The following STK24 variants were observed in gnomAD, a reference collection of about 807,000 sequenced individuals.
STK24 encodes serine/threonine kinase 24.
In STK24, 21 loss-of-function variants were observed where a neutral mutation model predicts 55.6. The ratio of observed to expected loss-of-function variants is 0.38; its 90% CI spans 0.27 to 0.54. The LOEUF (loss-of-function observed/expected upper bound fraction) is 0.54, where lower values mean the gene tolerates loss of function less well. Ranked by LOEUF, STK24 falls within the 20% of genes least tolerant of loss-of-function variation. The pLI is 0.79. For missense variants in STK24, 383 were observed against 538.4 expected, an observed-to-expected ratio of 0.71 and a Z score of 2.86; for synonymous variants, 200 against 215.2, an observed-to-expected ratio of 0.93 and a Z score of 0.62.
At chr13:98,560,193 C>T (rs376196631) in intron 1 of STK24, among the ~76,000 whole-genome samples, 24 of 152,336 alleles carry the variant, frequency 1.6e-4, no homozygotes, top group Non-Finnish European at 2.5e-4. Context: ...CTCCCCTCGA[C>T]GCTCCAGTCC....
intron 3 of STK24, among the ~76,000 whole-genome samples, chr13:98,482,009 G>A (rs1276759891): frequency 6.6e-6 from 1 of 151,622 alleles, no homozygotes; most frequent in Non-Finnish European, 1.5e-5. Context: ...AGAGGTAGCA[G>A]TGAGCTGAGA....
At chr13:98,562,449 A>T (rs1330088198) in intron 1 of STK24, among the ~76,000 whole-genome samples, 9 of 152,310 alleles carry the variant, frequency 5.9e-5, no homozygotes, top group Non-Finnish European at 2.9e-5. Context: ...TACTATCACA[A>T]GTCCTCCAGC....
chr13:98,528,439 C>G (rs1224938525), intron 1 of STK24, among the ~76,000 whole-genome samples: 1 of 152,196 alleles, frequency 6.6e-6, no homozygotes, highest in Non-Finnish European at 1.5e-5. Flanking sequence ...CTCCAGGGTT[C>G]CGGCTCCTTT....
intron 4 of STK24, 132 bp from the exon 5 acceptor site, chr13:98,475,110 AC>A (rs34623982): frequency 7.1e-7 from 1 of 1,411,398 alleles, no homozygotes; most frequent in South Asian, 1.4e-5. Context: ...TTTTTGTCAG[AC>A]CCCCTCAAAG....
Position 98,449,240 on chromosome 13 carries a change from C to T in STK24, c.*3933G>A, listed in dbSNP as rs1893062982. 1 of 152,254 alleles carries T rather than the reference C, an allele frequency of 6.6e-6. No homozygotes were observed. The highest frequency in any genetic ancestry group is 1.5e-5 in the Non-Finnish European group (1 of 68,064). The allele number at this position is 152,254 out of a possible 1,614,324, so 9.4% of individuals were successfully genotyped here. ...AATCATGGTACGTAGTCCCCGGCAC[C>T]TGTCGTTATTCCTATATCCTCCTGC... is the stretch of plus-strand genomic sequence containing the variant. On this transcript the variant is annotated 3_prime_UTR_variant, in exon 11 of 11. Coordinates refer to ENST00000539966, the MANE Select transcript of STK24 (RefSeq NM_001032296.4).
At chr13:98,494,889 T>G (rs773735920) in intron 2 of STK24, among the ~76,000 whole-genome samples, 34 of 152,196 alleles carry the variant, frequency 2.2e-4, no homozygotes, top group Non-Finnish European at 4.4e-4. Context: ...GAGAAGGGTC[T>G]GCGACCCATG....
chr13:98,573,057 T>C (rs558727095), intron 1 of STK24, among the ~76,000 whole-genome samples: 1 of 152,286 alleles, frequency 6.6e-6, no homozygotes, highest in Non-Finnish European at 1.5e-5. Flanking sequence ...CACTTCTGAT[T>C]TCGGATGTTC....
intron 5 of STK24, among the ~76,000 whole-genome samples, chr13:98,469,348 A>G (rs977723395): frequency 9.2e-5 from 14 of 152,304 alleles, no homozygotes; most frequent in Admixed American, 7.8e-4. Flanking sequence ...CAGGAGTTCG[A>G]GACCAGCCCG....
intron 1 of STK24, among the ~76,000 whole-genome samples, chr13:98,525,514 G>A (rs966835771): frequency 5.9e-5 from 9 of 152,216 alleles, no homozygotes; most frequent in Non-Finnish European, 2.9e-5. Flanking sequence ...GGGGATGGGA[G>A]CAGCCTGCAC....
intron 2 of STK24, among the ~76,000 whole-genome samples, chr13:98,487,510 G>C (rs143487848): frequency 2.0e-5 from 3 of 150,066 alleles, no homozygotes; most frequent in African/African-American, 7.3e-5. Context: ...CAAACCAACC[G>C]TCCCTGCCCC....
At chr13:98,571,777 C>T (rs964699755) in intron 1 of STK24, among the ~76,000 whole-genome samples, 3 of 152,134 alleles carry the variant, frequency 2.0e-5, no homozygotes, top group Admixed American at 1.3e-4. Context: ...AAAATGTTCA[C>T]TGAGAGTTCA....
Position 98,453,110 on chromosome 13 carries a change from T to C in STK24, c.*63A>G, listed in dbSNP as rs1289819106. On this transcript the variant is annotated 3_prime_UTR_variant, in exon 11 of 11. Transcript: ENST00000539966. ...GTCAGCGAAGGCTCTCGTTGACTTT[T>C]AAAAAAGGAGGAGGATGAAGAAGGA... The C allele has an allele frequency of 1.3e-6, 2 of 1,596,468 alleles. No individual in the cohort carries two copies. The highest frequency in any genetic ancestry group is 4.5e-5 in the East Asian group (2 of 44,782).
At chr13:98,469,541 C>CG (rs570400434) in intron 5 of STK24, among the ~76,000 whole-genome samples, 1,540 of 135,770 alleles carry the variant, frequency 0.011, 14 homozygotes, top group Middle Eastern at 0.026. Flanking sequence ...GCATCCCCCC[C>CG]CCCAAAAAAA....
At chr13:98,540,083 C>T (rs1041052871) in intron 1 of STK24, among the ~76,000 whole-genome samples, 4 of 152,188 alleles carry the variant, frequency 2.6e-5, no homozygotes, top group South Asian at 2.1e-4. Flanking sequence ...GCCCCAAGAA[C>T]GTCATGCTAA....
chr13:98,466,630 A>G, intron 5 of STK24, 69 bp from the exon 6 acceptor site: 2 of 1,507,240 alleles, frequency 1.3e-6, no homozygotes, highest in Non-Finnish European at 1.8e-6. Flanking sequence ...ATTTAGGGGG[A>G]AAATGGTAAC....
chr13:98,567,948 G>GA (rs1897630163), intron 1 of STK24, among the ~76,000 whole-genome samples: 2 of 149,800 alleles, frequency 1.3e-5, no homozygotes, highest in African/African-American at 4.9e-5. Flanking sequence ...AAAAAAGGGG[G>GA]GGGGTGGGGA....
At chr13:98,466,607 T>G in intron 5 of STK24, 46 bp from the exon 6 acceptor site, 1 of 1,594,538 alleles carries the variant, frequency 6.3e-7, no homozygotes. Flanking sequence ...AGGAATCTAT[T>G]CCAATACACA....
intron 1 of STK24, among the ~76,000 whole-genome samples, chr13:98,573,428 TTA>T (rs1267663976): frequency 2.0e-5 from 3 of 152,234 alleles, no homozygotes; most frequent in African/African-American, 4.8e-5. Context: ...CCTGATTTCT[TTA>T]TGTTTATTCG....
intron 1 of STK24, among the ~76,000 whole-genome samples, chr13:98,537,387 C>A (rs1896764659): frequency 6.6e-6 from 1 of 152,224 alleles, no homozygotes; most frequent in Admixed American, 6.5e-5. Flanking sequence ...CGGGCTCATT[C>A]ACAACAGCAC....
Sources: allele counts gnomAD v4.1 joint callset (sites outside exome capture counted in the v4.1 genomes callset), GRCh38; gene constraint gnomAD v4.1.1; transcripts MANE v1.5; gene names NCBI Gene and HGNC (gene_info 2026-07-23, HGNC 2026-07-21).